HERC4: variants seen among roughly 807,000 people sequenced by gnomAD.
The protein encoded by HERC4 is probable E3 ubiquitin-protein ligase HERC4.
HERC4 carries 28 observed loss-of-function variants against 124.3 expected under a neutral mutation model. The ratio of observed to expected loss-of-function variants is 0.23; its 90% CI spans 0.17 to 0.31. The LOEUF is 0.31. Ranked by LOEUF, HERC4 falls within the 10% of genes least tolerant of loss-of-function variation. The probability of loss-of-function intolerance (pLI) is 1.00; values close to 1 mark genes in which losing one functional copy is unlikely to be tolerated. For synonymous variants in HERC4, 407 were observed against 421.5 expected, an observed-to-expected ratio of 0.97 and a Z score of 0.42; for missense variants, 713 against 1,229.3, an observed-to-expected ratio of 0.58 and a Z score of 6.28.
chr10:68,070,780 G>A (rs2041534868), intron 3 of HERC4, among the ~76,000 whole-genome samples: 1 of 150,750 alleles, frequency 6.6e-6, no homozygotes, highest in African/African-American at 2.4e-5. Context: ...ATAATAAAAA[G>A]CTTTTCTCAG....
chr10:68,045,389 T>C (rs982169419), intron 3 of HERC4, among the ~76,000 whole-genome samples: 2 of 152,150 alleles, frequency 1.3e-5, no homozygotes, highest in Non-Finnish European at 2.9e-5. Flanking sequence ...GAAAACAAAT[T>C]TTTTAAAGAT....
chr10:68,045,129 T>G (rs767040874), intron 3 of HERC4, among the ~76,000 whole-genome samples: 7 of 152,200 alleles, frequency 4.6e-5, no homozygotes, highest in Non-Finnish European at 1.0e-4. Context: ...AAGACCAGCC[T>G]GGCCAAAACG....
chr10:67,943,656 G>T (rs1397178685), intron 19 of HERC4, among the ~76,000 whole-genome samples: 2 of 152,190 alleles, frequency 1.3e-5, no homozygotes, highest in Non-Finnish European at 2.9e-5. Context: ...ACAGCTGATA[G>T]TTAGGGTGCT....
intron 16 of HERC4, 85 bp downstream of exon 16, chr10:67,966,596 TTC>T: frequency 2.3e-6 from 3 of 1,322,186 alleles, no homozygotes; most frequent in Non-Finnish European, 3.1e-6. Context: ...TGAAAAAACT[TTC>T]TCATTTCAAA....
chr10:67,951,888 C>G (rs1484238781), intron 19 of HERC4, among the ~76,000 whole-genome samples: 3 of 152,110 alleles, frequency 2.0e-5, no homozygotes, highest in African/African-American at 7.2e-5. Context: ...CTATTTCTGC[C>G]ATCGTTTTTG....
rs192518302 is a variant in HERC4, at chr10:67,946,918, A to G, written c.2338-5813T>C. Among the ~76,000 whole-genome samples the G allele has an allele frequency of 1.5e-3, 228 of 152,300 alleles. 2 individuals are homozygous for G. The highest frequency in any genetic ancestry group is 0.01 in the Middle Eastern group (3 of 294). On this transcript the variant is annotated intron_variant, in intron 19 of 24. Coordinates refer to ENST00000373700, the MANE Select transcript of HERC4 (RefSeq NM_015601.4). ...CGAGACTCTGTCTCAAAACAAAACA[A>G]AACAAAATTACAAATATAAATATGC...
intron 16 of HERC4, among the ~76,000 whole-genome samples, chr10:67,963,171 T>C (rs951673012): frequency 1.3e-5 from 2 of 152,226 alleles, no homozygotes; most frequent in Non-Finnish European, 2.9e-5. Context: ...CATTACAACA[T>C]TCTCCATAAT....
chr10:68,010,939 G>A, intron 9 of HERC4: 1 of 1,119,668 alleles, frequency 8.9e-7, no homozygotes, highest in African/African-American at 1.5e-5. Context: ...TCAGGCTTTA[G>A]TTCTAGTTCT....
At chr10:67,988,862 T>C in intron 14 of HERC4, 27 bp from the exon 15 acceptor site, 1 of 1,544,290 alleles carries the variant, frequency 6.5e-7, no homozygotes, top group Non-Finnish European at 8.8e-7. Flanking sequence ...AACATGCAAA[T>C]AAAATGAATT....
intron 15 of HERC4, among the ~76,000 whole-genome samples, chr10:67,971,703 T>C (rs956605112): frequency 2.1e-5 from 3 of 142,174 alleles, no homozygotes; most frequent in African/African-American, 7.9e-5. Context: ...TATTAAGATA[T>C]TGAATGCTTT....
intron 19 of HERC4, among the ~76,000 whole-genome samples, chr10:67,942,717 G>C (rs2033016785): frequency 6.6e-6 from 1 of 152,048 alleles, no homozygotes; most frequent in Non-Finnish European, 1.5e-5. Context: ...CTCCATGTTG[G>C]TCAGGCTGGT....
At chr10:67,939,372 C>T (rs2032673860) in intron 21 of HERC4, among the ~76,000 whole-genome samples, 1 of 152,160 alleles carries the variant, frequency 6.6e-6, no homozygotes, top group Non-Finnish European at 1.5e-5. Flanking sequence ...TGTTCTTCAT[C>T]TGTAAACCAG....
intron 3 of HERC4, among the ~76,000 whole-genome samples, chr10:68,071,721 AC>A (rs1433138446): frequency 2.0e-5 from 3 of 152,232 alleles, no homozygotes; most frequent in Non-Finnish European, 1.5e-5. Flanking sequence ...CAGGTAGAGT[AC>A]AAGAAAGCTG....
At chr10:67,955,182 G>A in intron 17 of HERC4, 52 bp from the exon 18 acceptor site, 2 of 1,502,038 alleles carry the variant, frequency 1.3e-6, no homozygotes, top group African/African-American at 1.5e-5. Context: ...TAAAGCTACT[G>A]TGACTGAAAC....
intron 9 of HERC4, among the ~76,000 whole-genome samples, chr10:67,995,496 T>C (rs7897923): frequency 0.012 from 1,814 of 152,182 alleles, 26 homozygotes; most frequent in African/African-American, 0.041. Context: ...CCTAGTAATA[T>C]AAATTTCTTC....
intron 9 of HERC4, among the ~76,000 whole-genome samples, chr10:68,008,777 A>G (rs1416422948): frequency 3.9e-5 from 6 of 152,206 alleles, no homozygotes; most frequent in Non-Finnish European, 7.3e-5. Flanking sequence ...AAACAACCCA[A>G]TCGTCCACTG....
Position 67,992,285 on chromosome 10 carries a change from C to A in HERC4, c.1185G>T (p.Pro395=). The part of the protein sequence containing the change: ...GPPDDFRCPN[P]TKQIWTVNEA... ...CATTCACTGTCCAGATCTGCTTTGTCGGATTGGGACATCTGAAGTCATCTG... is the reference window on the plus strand; with the variant it reads ...CATTCACTGTCCAGATCTGCTTTGTAGGATTGGGACATCTGAAGTCATCTG... The change falls in exon 11 of 25, where the codon CCG becomes CCT. Residue 395 remains proline, a synonymous_variant. Coordinates refer to ENST00000373700, the MANE Select transcript of HERC4 (RefSeq NM_015601.4). 6.2e-7 allele frequency: 1 copy of A among 1,613,892 alleles called. No individual in the cohort carries two copies. Among genetic ancestry groups the A allele is most frequent in the South Asian group, 1.1e-5 (1 of 91,058 alleles).
Position 67,938,160 on chromosome 10 carries a change from A to G in HERC4, c.2571+1428T>C, listed in dbSNP as rs1052762566. On this transcript the variant is annotated intron_variant, in intron 21 of 24. Transcript: ENST00000373700. ...GCAAAAAATTTAAAAAATAAAAAAG[A>G]GGCCAGGTGCTGTGGCTCACGCCTG... is the stretch of plus-strand genomic sequence containing the variant. 2.0e-5 allele frequency among the ~76,000 whole-genome samples: 3 copies of G among 151,938 alleles called. No individual in the cohort carries two copies. In the East Asian group the frequency reaches 5.8e-4, roughly 29 times the overall value.
intron 9 of HERC4, chr10:67,993,628 C>A (rs1190367286): frequency 6.6e-6 from 1 of 150,940 alleles, no homozygotes; most frequent in Non-Finnish European, 1.5e-5. Flanking sequence ...TATAGGTGTA[C>A]AAGATAATAC....
Sources: gnomAD v4.1 joint callset for allele counts (sites outside exome capture counted in the v4.1 genomes callset) on GRCh38, gnomAD v4.1.1 for gene constraint, MANE v1.5 for transcripts, NCBI Gene and HGNC (gene_info 2026-07-23, HGNC 2026-07-21) for gene names.